Variants in IGF2BP1 observed in about 807,000 individuals in gnomAD.
The protein encoded by IGF2BP1 is insulin like growth factor 2 mRNA binding protein 1, also known as insulin-like growth factor 2 mRNA-binding protein 1.
In IGF2BP1, 11 loss-of-function variants were observed where a neutral mutation model predicts 74.9. The observed-to-expected ratio is 0.15, with a 90% CI of 0.09 to 0.24. The LOEUF is 0.24. IGF2BP1 is among the 10% of genes least tolerant of loss of function. The pLI is 1.00. For synonymous variants in IGF2BP1, 287 were observed against 281.8 expected (o/e 1.02, Z -0.18); for missense variants, 440 against 757.4 (o/e 0.58, Z 4.92).
chr17:49,028,001 T>C (rs2041879014), intron 4 of IGF2BP1, among the ~76,000 whole-genome samples: 1 of 151,116 alleles, frequency 6.6e-6, no homozygotes, highest in East Asian at 2.0e-4. Flanking sequence ...TGAGACTCCA[T>C]GTCTACAAAA....
intron 2 of IGF2BP1, among the ~76,000 whole-genome samples, chr17:49,017,175 T>C (rs868828409): frequency 5.9e-5 from 9 of 152,014 alleles, no homozygotes; most frequent in Middle Eastern, 3.2e-3. Context: ...GTCAGCCACA[T>C]GGAACCCTCT....
chr17:49,005,443 T>C (rs2041539978), intron 2 of IGF2BP1, among the ~76,000 whole-genome samples: 1 of 152,176 alleles, frequency 6.6e-6, no homozygotes, highest in Non-Finnish European at 1.5e-5. Context: ...TTTGAGTGGA[T>C]TGTGCAGATA....
intron 2 of IGF2BP1, among the ~76,000 whole-genome samples, chr17:49,019,940 A>ATATATATT (rs1555597808): frequency 2.0e-5 from 1 of 49,894 alleles, no homozygotes; most frequent in South Asian, 4.9e-4. Context: ...ATATATATAT[A>ATATATATT]TATATATATT....
intron 2 of IGF2BP1, 149 bp from the exon 3 acceptor site, chr17:49,025,469 C>T (rs1466013494): frequency 1.4e-6 from 1 of 713,524 alleles, no homozygotes; most frequent in Non-Finnish European, 2.4e-6. Flanking sequence ...GTCTCCATTC[C>T]TAAAAGTGTA....
In IGF2BP1 at chr17:49,055,074, G is replaced by T. The variant is rs2042209977; in HGVS notation, c.*5630G>T. ...GCAGCTCCACTTGCTTAGGTTAGGG[G>T]GGGAAAAAGATTTCTTTTTCCAAAG... On this transcript the variant is annotated 3_prime_UTR_variant, in exon 15 of 15. Transcript: ENST00000290341. 1 of 150,878 alleles carries T rather than the reference G, an allele frequency of 6.6e-6. No homozygotes were observed. Among genetic ancestry groups the T allele is most frequent in the African/African-American group, 2.4e-5 (1 of 40,820 alleles). The allele number at this position is 150,878 out of a possible 1,614,324, so 9.3% of individuals were successfully genotyped here. A position where few individuals can be genotyped will look rare whatever the true frequency, so the allele number is the denominator to read the frequency against.
At chr17:49,005,051 C>T (rs573977597) in intron 2 of IGF2BP1, among the ~76,000 whole-genome samples, 49 of 152,280 alleles carry the variant, frequency 3.2e-4, no homozygotes, top group African/African-American at 1.1e-3. Flanking sequence ...GTACTTATTA[C>T]TGGATAGAAG....
chr17:49,016,289 G>A (rs1302682369), intron 2 of IGF2BP1, among the ~76,000 whole-genome samples: 1 of 152,216 alleles, frequency 6.6e-6, no homozygotes, highest in Non-Finnish European at 1.5e-5. Context: ...GAGGGTGACT[G>A]TTCAGCATCC....
At position 49,049,446 on chromosome 17, in the gene IGF2BP1, C is replaced by T. The variant is rs1279428664; in HGVS notation, c.*2C>T. ...CAGGCCCAGGCACGGAGGAAGTGAC[C>T]AGCCCCTCCCTGTCCCTTCGAGTCC... On this transcript the variant is annotated 3_prime_UTR_variant, in exon 15 of 15. Transcript: ENST00000290341. The T allele has an allele frequency of 5.0e-6, 8 of 1,612,780 alleles. No homozygotes were observed. The highest frequency in any genetic ancestry group is 4.4e-5 in the South Asian group (4 of 90,990).
At chr17:49,000,294 T>C (rs184900734) in intron 2 of IGF2BP1, among the ~76,000 whole-genome samples, 3 of 152,288 alleles carry the variant, frequency 2.0e-5, no homozygotes, top group Admixed American at 2.0e-4. Context: ...AGATGATGAC[T>C]GCTTTTTCTG....
chr17:49,027,919 C>T (rs1410138165), intron 4 of IGF2BP1, among the ~76,000 whole-genome samples: 3 of 149,214 alleles, frequency 2.0e-5, no homozygotes, highest in Admixed American at 6.8e-5. Flanking sequence ...ACCTGTAATC[C>T]CAATACTTTG....
In IGF2BP1 at chr17:48,997,673, C is replaced by A; in HGVS notation, c.-73C>A. The A allele has an allele frequency of 6.5e-7, 1 of 1,527,224 alleles. No individual in the cohort carries two copies. The highest frequency in any genetic ancestry group is 8.9e-7 in the Non-Finnish European group (1 of 1,118,888). 94.6% of individuals were successfully genotyped at this position (1,527,224 alleles called of 1,614,324 possible). A position where few individuals can be genotyped will look rare whatever the true frequency, so the allele number is the denominator to read the frequency against. On this transcript the variant is annotated 5_prime_UTR_variant, in exon 1 of 15. Transcript: ENST00000290341. The surrounding 1 kb of genome is among the most constrained non-coding windows in gnomAD (Gnocchi z 4.8). ...TGCCGCCGGCCTCTCCGCCTCTTGG[C>A]CTAGGAGGCTCGCCGCCCGCGCCCG...
At chr17:49,010,342 A>T in intron 2 of IGF2BP1, among the ~76,000 whole-genome samples, 1 of 119,416 alleles carries the variant, frequency 8.4e-6, no homozygotes, top group Admixed American at 1.0e-4. Context: ...TTTTTGAGAC[A>T]GTCTTGCTCT....
Position 48,997,961 on chromosome 17 carries a change from C to G in IGF2BP1, c.175+41C>G. 1 of 1,597,158 alleles carries G rather than the reference C, an allele frequency of 6.3e-7. No homozygotes were observed. Among genetic ancestry groups the G allele is most frequent in the African/African-American group, 1.3e-5 (1 of 74,616 alleles). ...CCTCCCGGAAAAGCCACAACGAGAG[C>G]CCCGAACAACGGAGACCCGCACCTT... On this transcript the variant is annotated intron_variant, in intron 1 of 14. Transcript: ENST00000290341. The surrounding 1 kb of genome is among the most constrained non-coding windows in gnomAD (Gnocchi z 4.8).
At chr17:49,046,605 C>T (rs1019083820) in intron 14 of IGF2BP1, among the ~76,000 whole-genome samples, 7 of 150,516 alleles carry the variant, frequency 4.7e-5, no homozygotes, top group African/African-American at 1.7e-4. Flanking sequence ...GTTTAATGTA[C>T]ATATATTGTG....
At chr17:49,023,105 T>C (rs1359257062) in intron 2 of IGF2BP1, among the ~76,000 whole-genome samples, 3 of 152,246 alleles carry the variant, frequency 2.0e-5, no homozygotes, top group South Asian at 2.1e-4. Flanking sequence ...GTCTGTCTAG[T>C]TGGTCATCGA....
intron 3 of IGF2BP1, among the ~76,000 whole-genome samples, 181 bp downstream of exon 3, chr17:49,025,847 T>C (rs1322242553): frequency 3.0e-5 from 4 of 132,586 alleles, no homozygotes; most frequent in African/African-American, 1.1e-4. Context: ...TTTCTTTCTT[T>C]CTTTTCTTTC....
Position 49,053,971 on chromosome 17 carries a change from T to A in IGF2BP1, c.*4527T>A, listed in dbSNP as rs1241481074. 1 of 152,688 alleles carries A rather than the reference T, an allele frequency of 6.5e-6. No homozygotes were observed. Among genetic ancestry groups the A allele is most frequent in the African/African-American group, 2.4e-5 (1 of 41,474 alleles). The allele number at this position is 152,688 out of a possible 1,614,324, so 9.5% of individuals were successfully genotyped here. A position where few individuals can be genotyped will look rare whatever the true frequency, so the allele number is the denominator to read the frequency against. ...CAGGAAGATTGAAGAAAAATCCTCA[T>A]CAATGCCAGGGGACATAAAAGCCAT... On this transcript the variant is annotated 3_prime_UTR_variant, in exon 15 of 15. Transcript: ENST00000290341.
rs1328569902 is a variant in IGF2BP1, at chr17:49,045,033, A to T, written c.1363A>T (p.Ile455Phe). 1 of 1,614,202 alleles carries T rather than the reference A, an allele frequency of 6.2e-7. No individual in the cohort carries two copies. Among genetic ancestry groups the T allele is most frequent in the Non-Finnish European group, 8.5e-7 (1 of 1,180,024 alleles). ...ACCTGACTCCAAAGTTCGTATGGTT[A>T]TCATCACTGGACCGCCAGAGGCCCA... ...ETPDSKVRMV[I>F]ITGPPEAQFK... The change falls in exon 12 of 15, where the codon ATC becomes TTC. Residue 455 changes from isoleucine (I) to phenylalanine (F), a missense_variant. Ile to Phe is a conservative substitution (Grantham distance 21). Coordinates refer to ENST00000290341, the MANE Select transcript of IGF2BP1 (RefSeq NM_006546.4).
intron 2 of IGF2BP1, among the ~76,000 whole-genome samples, chr17:49,017,222 G>GTGGAC (rs2041716501): frequency 6.6e-6 from 1 of 151,978 alleles, no homozygotes; most frequent in Non-Finnish European, 1.5e-5. Flanking sequence ...CTTCTGAAGG[G>GTGGAC]GTCCAGTGAG....
Sources: gnomAD v4.1 joint callset for allele counts (sites outside exome capture counted in the v4.1 genomes callset) on GRCh38, gnomAD v4.1.1 for gene constraint, Gnocchi (gnomAD v3.1) non-coding constraint, MANE v1.5 for transcripts, NCBI Gene and HGNC (gene_info 2026-07-23, HGNC 2026-07-21) for gene names.